Variants in MANBAL observed in about 807,000 individuals in gnomAD.
The protein encoded by MANBAL is protein MANBAL.
A neutral mutation model predicts 6.4 loss-of-function variants in MANBAL; 1 was observed. The observed-to-expected ratio is 0.16, with a 90% confidence interval of 0.06 to 0.74. The LOEUF is 0.74. Ranked by LOEUF, MANBAL falls within the 30% of genes least tolerant of loss-of-function variation. The pLI is 0.78. For synonymous variants in MANBAL, 47 were observed against 45.8 expected, an observed-to-expected ratio of 1.03 and a Z score of -0.10; for missense variants, 100 against 107.8, an observed-to-expected ratio of 0.93 and a Z score of 0.32.
chr20:37,290,397 G>A (rs916457216), intron 1 of MANBAL, among the ~76,000 whole-genome samples: 1 of 151,498 alleles, frequency 6.6e-6, no homozygotes, highest in Non-Finnish European at 1.5e-5. Flanking sequence ...GACGGGCCAG[G>A]CTGTACAACC....
chr20:37,290,615 C>T (rs963324807), intron 1 of MANBAL, among the ~76,000 whole-genome samples: 5 of 152,226 alleles, frequency 3.3e-5, no homozygotes, highest in East Asian at 3.9e-4. Flanking sequence ...TGTGCCACCA[C>T]GCCCGGCTAA....
chr20:37,299,340 A>G (rs572554581), intron 1 of MANBAL, among the ~76,000 whole-genome samples: 1 of 152,270 alleles, frequency 6.6e-6, no homozygotes, highest in South Asian at 2.1e-4. Flanking sequence ...TGGCCTCCCA[A>G]AGTGCTGAGA....
intron 2 of MANBAL, 77 bp from the exon 3 acceptor site, chr20:37,316,231 C>A: frequency 1.5e-6 from 2 of 1,348,596 alleles, no homozygotes; most frequent in South Asian, 1.3e-5. Flanking sequence ...TGCTTCTTTG[C>A]TTTCAGATGT....
intron 1 of MANBAL, among the ~76,000 whole-genome samples, chr20:37,293,688 T>C (rs2068925151): frequency 6.6e-6 from 1 of 152,186 alleles, no homozygotes; most frequent in Non-Finnish European, 1.5e-5. Flanking sequence ...ACCATACATT[T>C]ACTTAATTGT....
chr20:37,305,050 C>T (rs2069226245), intron 2 of MANBAL, among the ~76,000 whole-genome samples: 1 of 152,160 alleles, frequency 6.6e-6, no homozygotes, highest in South Asian at 2.1e-4. Context: ...CCTTGGTGAA[C>T]AGGGATGGGT....
At chr20:37,299,741 G>A (rs2146800510) in intron 1 of MANBAL, among the ~76,000 whole-genome samples, 1 of 152,318 alleles carries the variant, frequency 6.6e-6, no homozygotes, top group Admixed American at 6.5e-5. Flanking sequence ...GAGGCATGTT[G>A]GGGAGATGAC....
chr20:37,300,498 G>C (rs750666307), intron 1 of MANBAL, among the ~76,000 whole-genome samples: 2 of 152,172 alleles, frequency 1.3e-5, no homozygotes, highest in Admixed American at 6.5e-5. Flanking sequence ...CTTCCATCCT[G>C]AGCATGTAGA....
chr20:37,304,063 C>A (rs1318553199), intron 2 of MANBAL, among the ~76,000 whole-genome samples: 1 of 152,184 alleles, frequency 6.6e-6, no homozygotes, highest in African/African-American at 2.4e-5. Flanking sequence ...CTACAATATA[C>A]CAGTTACACT....
chr20:37,315,232 A>G (rs763271738), intron 2 of MANBAL, among the ~76,000 whole-genome samples: 19 of 152,162 alleles, frequency 1.2e-4, no homozygotes, highest in Non-Finnish European at 2.2e-4. Context: ...AAATCTCCCA[A>G]TTGGCTTAAA....
At chr20:37,309,609 C>T (rs1271929147) in intron 2 of MANBAL, among the ~76,000 whole-genome samples, 1 of 152,140 alleles carries the variant, frequency 6.6e-6, no homozygotes, top group Non-Finnish European at 1.5e-5. Context: ...CCAGAAAGCC[C>T]TGCAGTGTTT....
At chr20:37,315,406 A>G (rs2146837491) in intron 2 of MANBAL, among the ~76,000 whole-genome samples, 1 of 152,194 alleles carries the variant, frequency 6.6e-6, no homozygotes, top group East Asian at 1.9e-4. Context: ...ACTAGATAGG[A>G]GCACACTGAG....
intron 2 of MANBAL, among the ~76,000 whole-genome samples, chr20:37,303,828 C>A (rs1003682018): frequency 2.6e-5 from 4 of 152,190 alleles, no homozygotes; most frequent in Non-Finnish European, 4.4e-5. Context: ...GTTACAGAAG[C>A]ACCCTTGGCC....
Position 37,290,584 on chromosome 20 carries a change from G to A in MANBAL, c.-57+898G>A, listed in dbSNP as rs139113718. 5.4e-3 allele frequency among the ~76,000 whole-genome samples: 828 copies of A among 152,018 alleles called. 6 individuals are homozygous for A. The highest frequency in any genetic ancestry group is 0.019 in the African/African-American group (786 of 41,472). The stretch of plus-strand genomic sequence containing the variant: ...AGCGATTCTCCTGCCTCAGCTTTCC[G>A]AATAGCTGGGATTACAGACGTGTGC... On this transcript the variant is annotated intron_variant, in intron 1 of 2. Coordinates refer to ENST00000373606, the MANE Select transcript of MANBAL (RefSeq NM_001003897.2).
At chr20:37,313,294 C>T (rs2069429118) in intron 2 of MANBAL, among the ~76,000 whole-genome samples, 1 of 151,992 alleles carries the variant, frequency 6.6e-6, no homozygotes, top group Non-Finnish European at 1.5e-5. Context: ...TGGCATGAAC[C>T]CAGGAGGCGG....
At position 37,316,493 on chromosome 20, in the gene MANBAL, C is replaced by A. The variant is rs1249774826; in HGVS notation, c.*78C>A. The A allele has an allele frequency of 6.9e-6, 9 of 1,306,930 alleles. No homozygotes were observed. The Admixed American group carries it at 1.1e-4, about 16-fold the overall frequency. The allele number at this position is 1,306,930 out of a possible 1,614,324, so 81.0% of individuals were successfully genotyped here. On this transcript the variant is annotated 3_prime_UTR_variant, in exon 3 of 3. Coordinates refer to ENST00000373606, the MANE Select transcript of MANBAL (RefSeq NM_001003897.2). ...CTCCTGGGAATCTACATTGTGTTCC[C>A]CCGCATTCCAGGCTCAGGGTCTGAG...
At chr20:37,298,338 A>G (rs1295807223) in intron 1 of MANBAL, among the ~76,000 whole-genome samples, 2 of 152,186 alleles carry the variant, frequency 1.3e-5, no homozygotes, top group African/African-American at 4.8e-5. Context: ...GTCTATTTCT[A>G]GAACTTTTTC....
chr20:37,309,083 G>A (rs1600916316), intron 2 of MANBAL, among the ~76,000 whole-genome samples: 1 of 152,294 alleles, frequency 6.6e-6, no homozygotes, highest in Admixed American at 6.5e-5. Flanking sequence ...AACAGTATTG[G>A]CTCTTGGAAC....
At chr20:37,315,513 AGGGCTAGATCTGT>A (rs2069491695) in intron 2 of MANBAL, among the ~76,000 whole-genome samples, 1 of 152,246 alleles carries the variant, frequency 6.6e-6, no homozygotes, top group East Asian at 1.9e-4. Context: ...AATGAACGCC[AGGGCTAGATCTGT>A]GGGTTTCAAC....
intron 2 of MANBAL, among the ~76,000 whole-genome samples, 161 bp from the exon 3 acceptor site, chr20:37,316,147 C>T (rs2146839165): frequency 6.6e-6 from 1 of 152,348 alleles, no homozygotes; most frequent in South Asian, 2.1e-4. Flanking sequence ...CCACGATGCT[C>T]CGGGGCAGTC....
Sources: gnomAD v4.1 joint callset for allele counts (sites outside exome capture counted in the v4.1 genomes callset) on GRCh38, gnomAD v4.1.1 for gene constraint, MANE v1.5 for transcripts, NCBI Gene and HGNC (gene_info 2026-07-23, HGNC 2026-07-21) for gene names.